EXOC1: variants seen among roughly 807,000 people sequenced by gnomAD.
EXOC1 encodes SEC3-like 1.
A neutral mutation model predicts 107.7 loss-of-function variants in EXOC1; 67 were observed. That is an observed-to-expected ratio of 0.62 (90% CI 0.51 to 0.76). The LOEUF (loss-of-function observed/expected upper bound fraction) is 0.76, where lower values mean the gene tolerates loss of function less well. Among genes scored for constraint, EXOC1 ranks in the 30% least tolerant of loss-of-function variants. EXOC1 has a pLI of 0.00. For synonymous variants in EXOC1, 348 were observed against 353.5 expected, an observed-to-expected ratio of 0.98 and a Z score of 0.17; for missense variants, 833 against 1,055.7, an observed-to-expected ratio of 0.79 and a Z score of 2.92.
chr4:55,857,526 G>A (rs1039166679), intron 1 of EXOC1, among the ~76,000 whole-genome samples: 1 of 151,910 alleles, frequency 6.6e-6, no homozygotes, highest in Non-Finnish European at 1.5e-5. Flanking sequence ...ACCACATTTT[G>A]CTTATGTATC....
intron 4 of EXOC1, among the ~76,000 whole-genome samples, chr4:55,864,610 C>T (rs1577698281): frequency 6.6e-6 from 1 of 152,088 alleles, no homozygotes; most frequent in Admixed American, 6.6e-5. Flanking sequence ...ACTGTTAGCA[C>T]TTTGTTAGAT....
intron 10 of EXOC1, among the ~76,000 whole-genome samples, chr4:55,886,838 A>C (rs1168938392): frequency 6.6e-6 from 1 of 152,186 alleles, no homozygotes; most frequent in Non-Finnish European, 1.5e-5. Context: ...TAGTCAATAT[A>C]GTGATAGAGA....
chr4:55,864,749 C>T (rs1721800255), intron 4 of EXOC1, among the ~76,000 whole-genome samples: 1 of 152,172 alleles, frequency 6.6e-6, no homozygotes, highest in Non-Finnish European at 1.5e-5. Context: ...CTTACCCCAA[C>T]ATTATTTTCA....
At chr4:55,870,412 G>T (rs1034666386) in intron 5 of EXOC1, among the ~76,000 whole-genome samples, 40 of 152,306 alleles carry the variant, frequency 2.6e-4, no homozygotes, top group African/African-American at 9.6e-4. Context: ...CCTTACTTGT[G>T]CAGTCTGTGG....
chr4:55,903,212 T>C (rs1291756605), intron 18 of EXOC1, among the ~76,000 whole-genome samples: 1 of 150,948 alleles, frequency 6.6e-6, no homozygotes, highest in Non-Finnish European at 1.5e-5. Context: ...AAAATCAGCT[T>C]AGAGAGGTGG....
chr4:55,875,852 C>T, intron 8 of EXOC1: 1 of 955,720 alleles, frequency 1.0e-6, no homozygotes, highest in African/African-American at 1.8e-5. Flanking sequence ...ATAACTTGAG[C>T]CCAGGAGTTT....
rs566560158 is a variant in EXOC1 at position 55,895,973 on chromosome 4, C to T, written c.1954-744C>T. Among the ~76,000 whole-genome samples the T allele has an allele frequency of 3.3e-5, 5 of 152,258 alleles. No homozygotes were observed. The South Asian group carries it at 1.0e-3, about 32-fold the overall frequency. ...TGACTGTGGTTCTCAAACTTGACCA[C>T]GTGGCCACCAACCAGAAGTTACCCG... is the stretch of plus-strand genomic sequence containing the variant. On this transcript the variant is annotated intron_variant, in intron 15 of 18. Coordinates refer to ENST00000381295, the MANE Select transcript of EXOC1 (RefSeq NM_001024924.2).
chr4:55,878,129 A>G, intron 9 of EXOC1, 63 bp downstream of exon 9: 1 of 1,557,576 alleles, frequency 6.4e-7, no homozygotes. Flanking sequence ...TTAAGAGGTC[A>G]TGTGTTCAGT....
At chr4:55,863,643 A>G (rs892400905) in intron 3 of EXOC1, among the ~76,000 whole-genome samples, 1 of 152,204 alleles carries the variant, frequency 6.6e-6, no homozygotes, top group Non-Finnish European at 1.5e-5. Context: ...ACCTAGCAGC[A>G]CTTTTAGCTT....
chr4:55,875,495 T>G, intron 8 of EXOC1: 1 of 974,626 alleles, frequency 1.0e-6, no homozygotes, highest in Non-Finnish European at 1.2e-6. Context: ...TGCTTAAGAG[T>G]GCAGACACTA....
In EXOC1 at chr4:55,868,456, A is replaced by C; in HGVS notation, c.536A>C (p.Glu179Ala). 1 of 1,613,884 alleles carries C rather than the reference A, an allele frequency of 6.2e-7. No individual in the cohort carries two copies. The highest frequency in any genetic ancestry group is 8.5e-7 in the Non-Finnish European group (1 of 1,179,828). ...ATCGAAATAATGATGGAAGGCTGTGAATATGCAATCTCGAATGCGGAAGCC... is the reference window on the plus strand; with the variant it reads ...ATCGAAATAATGATGGAAGGCTGTGCATATGCAATCTCGAATGCGGAAGCC... ...QDIEIMMEGC[E>A]YAISNAEAFA... Residue 179 changes from glutamate (E) to alanine (A), a missense_variant, in exon 5 of 19, where the codon GAA becomes GCA. This residue lies in a region of EXOC1 where 617 missense variants were observed against 701.3 expected (regional missense o/e 0.88). Transcript: ENST00000381295.
At chr4:55,857,998 T>G (rs1243305798) in intron 1 of EXOC1, among the ~76,000 whole-genome samples, 1 of 152,202 alleles carries the variant, frequency 6.6e-6, no homozygotes, top group Non-Finnish European at 1.5e-5. Flanking sequence ...ATTTGTCTTC[T>G]TATTGTTGTA....
At chr4:55,898,498 A>C (rs1725512502) in intron 16 of EXOC1, among the ~76,000 whole-genome samples, 1 of 152,232 alleles carries the variant, frequency 6.6e-6, no homozygotes, top group East Asian at 1.9e-4. Context: ...AGTGCTAGCC[A>C]GTACAAGACC....
In EXOC1 at chr4:55,902,530, T is replaced by C. The variant is rs1294544856; in HGVS notation, c.2524T>C (p.Leu842=). Residue 842 remains leucine (L), a synonymous_variant, in exon 18 of 19, where the codon TTA becomes CTA. Transcript: ENST00000381295. ...VDKHLCEEEN[L]LQVVWHSMQD... is the part of the protein sequence containing the mutation. ...TAAACATTTATGTGAAGAAGAGAAC[T>C]TACTTCAGGTATGCTTACTTCTTTT... The C allele has an allele frequency of 1.3e-6, 2 of 1,500,060 alleles. No individual in the cohort carries two copies. The highest frequency in any genetic ancestry group is 1.8e-6 in the Non-Finnish European group (2 of 1,129,712). 92.9% of individuals were successfully genotyped at this position (1,500,060 alleles called of 1,614,324 possible).
chr4:55,860,318 A>G, intron 2 of EXOC1, 93 bp from the exon 3 acceptor site: 2 of 1,493,434 alleles, frequency 1.3e-6, no homozygotes, highest in African/African-American at 1.4e-5. Flanking sequence ...AGTATCAGCT[A>G]CTAGGCACCT....
intron 9 of EXOC1, among the ~76,000 whole-genome samples, chr4:55,880,494 T>G (rs1723291822): frequency 6.6e-6 from 1 of 152,116 alleles, no homozygotes; most frequent in Non-Finnish European, 1.5e-5. Flanking sequence ...AGGAAAAAAT[T>G]TACATTACTG....
At chr4:55,857,401 C>G (rs1017832629) in intron 1 of EXOC1, among the ~76,000 whole-genome samples, 13 of 151,778 alleles carry the variant, frequency 8.6e-5, no homozygotes, top group Non-Finnish European at 1.5e-4. Context: ...ATCTCCTGAC[C>G]TCTTGATCCG....
In EXOC1 at chr4:55,871,928, C is replaced by A. The variant is rs528656733; in HGVS notation, c.1044C>A (p.Ala348=). 2 of 1,613,710 alleles carry A rather than the reference C, an allele frequency of 1.2e-6. No homozygotes were observed. Among genetic ancestry groups the A allele is most frequent in the African/African-American group, 2.7e-5 (2 of 74,970 alleles). ...GAGAGCTTTTTGCCCGGAGACTGGC[C>A]AGTCACCTCAACAATGTTTTTGTTC... ...DLRELFARRL[A]SHLNNVFVQQ... is the part of the protein sequence containing the mutation. Residue 348 remains alanine (A), a synonymous_variant, in exon 8 of 19, where the codon GCC becomes GCA. Coordinates refer to ENST00000381295, the MANE Select transcript of EXOC1 (RefSeq NM_001024924.2).
chr4:55,875,865 G>T, intron 8 of EXOC1: 1 of 910,142 alleles, frequency 1.1e-6, no homozygotes, highest in South Asian at 5.1e-5. Context: ...AGGAGTTTGG[G>T]GGCAACCTGG....
Sources: gnomAD v4.1 joint callset for allele counts (sites outside exome capture counted in the v4.1 genomes callset) on GRCh38, gnomAD v4.1.1 for gene constraint, gnomAD v4.1.1 regional missense constraint, MANE v1.5 for transcripts, NCBI Gene and HGNC (gene_info 2026-07-23, HGNC 2026-07-21) for gene names.